Variants in DGKG observed in about 807,000 individuals in gnomAD.
The protein encoded by DGKG is DAG kinase gamma.
In DGKG, 78 loss-of-function variants were observed where a neutral mutation model predicts 105.3. The observed-to-expected ratio is 0.74, with a 90% confidence interval of 0.62 to 0.89. The LOEUF (loss-of-function observed/expected upper bound fraction) is 0.89. Among genes scored for constraint, DGKG ranks in the 40% least tolerant of loss-of-function variants. The pLI is 0.00. For synonymous variants in DGKG, 346 were observed against 367.1 expected (o/e 0.94, Z 0.66); for missense variants, 958 against 1,020.1 (o/e 0.94, Z 0.83).
chr3:186,174,909 G>A (rs146118332), intron 22 of DGKG, among the ~76,000 whole-genome samples: 2 of 152,278 alleles, frequency 1.3e-5, no homozygotes, highest in East Asian at 3.9e-4. Context: ...GCATGTAAGT[G>A]GCCAGAGGGC....
rs368195195 is a variant in DGKG, at chr3:186,160,526, G to T, written c.2277+1077C>A. ...AAGATTGAGGTAAGATTTTTGCAGA[G>T]AAATTTCTGTTTTTGATAACCTTTA... On this transcript the variant is annotated intron_variant, in intron 24 of 24. Transcript: ENST00000265022. The T allele has an allele frequency of 2.0e-5, 20 of 985,332 alleles. No homozygotes were observed. In the East Asian group the frequency reaches 9.1e-4, roughly 45 times the overall value. 61.0% of individuals were successfully genotyped at this position (985,332 alleles called of 1,614,324 possible). A position where few individuals can be genotyped will look rare whatever the true frequency, so the allele number is the denominator to read the frequency against.
chr3:186,302,493 T>TAC (rs1226098066), intron 3 of DGKG, among the ~76,000 whole-genome samples: 1 of 9,482 alleles, frequency 1.1e-4, no homozygotes, highest in Non-Finnish European at 2.1e-4. Flanking sequence ...TATATATATA[T>TAC]ATATATATAT....
Position 186,279,886 on chromosome 3 carries a change from T to C in DGKG, c.757A>G (p.Ile253Val). 1 of 1,614,024 alleles carries C rather than the reference T, an allele frequency of 6.2e-7. No individual in the cohort carries two copies. Among genetic ancestry groups the C allele is most frequent in the Non-Finnish European group, 8.5e-7 (1 of 1,179,960 alleles). Residue 253 changes from isoleucine (I) to valine (V), a missense_variant, in exon 9 of 25, where the codon ATC becomes GTC. Coordinates refer to ENST00000265022, the MANE Select transcript of DGKG (RefSeq NM_001346.3). ...QEWVHGGMTT[I>V]PLLVLLGMDD... ...ATCCCCAGGAGGACCAGCAATGGGA[T>C]GGTGGTCATCCCTCCATGGACCCAT...
rs1356927482 is a variant in DGKG at position 186,353,586 on chromosome 3, TATATACAC to T, written c.-249+8352_-249+8359del. Among the ~76,000 whole-genome samples, 899 of 142,728 alleles carry T rather than the reference TATATACAC, an allele frequency of 6.3e-3. 12 individuals are homozygous for T. Among genetic ancestry groups the T allele is most frequent in the African/African-American group, 0.022 (846 of 38,496 alleles). The allele number at this position is 142,728 out of a possible 152,430, so 93.6% of individuals were successfully genotyped here. ...GTATGTATATATATATATATATATATATATACACACACACACATACACATATATATAGA... is the reference window on the plus strand; with the variant it reads ...GTATGTATATATATATATATATATATACACACACATACACATATATATAGA... On this transcript the variant is annotated intron_variant, in intron 1 of 24. Transcript: ENST00000265022.
At chr3:186,155,006 G>A (rs1715965000) in intron 24 of DGKG, among the ~76,000 whole-genome samples, 1 of 152,082 alleles carries the variant, frequency 6.6e-6, no homozygotes, top group Non-Finnish European at 1.5e-5. Context: ...TCTAACTCTG[G>A]GAGAAGATTC....
chr3:186,233,350 A>G (rs189126333), intron 20 of DGKG, among the ~76,000 whole-genome samples: 30 of 152,340 alleles, frequency 2.0e-4, no homozygotes, highest in Admixed American at 1.6e-3. Context: ...GGAAAAGGCA[A>G]GGAAACAGCT....
chr3:186,269,027 G>C, intron 11 of DGKG, 110 bp from the exon 12 acceptor site: 1 of 725,932 alleles, frequency 1.4e-6, no homozygotes, highest in South Asian at 1.6e-5. Context: ...CAGAGGGACT[G>C]TTTCCTATTT....
At chr3:186,182,832 C>T (rs1413860181) in intron 22 of DGKG, among the ~76,000 whole-genome samples, 1 of 152,112 alleles carries the variant, frequency 6.6e-6, no homozygotes, top group South Asian at 2.1e-4. Flanking sequence ...TTCTGTAGAA[C>T]ACATGTGAGC....
chr3:186,155,354 G>A (rs1464922201), intron 24 of DGKG, among the ~76,000 whole-genome samples: 3 of 151,928 alleles, frequency 2.0e-5, no homozygotes, highest in Non-Finnish European at 2.9e-5. Context: ...CACCATGCTC[G>A]GCTAATTTTT....
intron 20 of DGKG, among the ~76,000 whole-genome samples, chr3:186,233,866 T>A (rs896115632): frequency 1.2e-4 from 19 of 152,220 alleles, no homozygotes; most frequent in Non-Finnish European, 2.6e-4. Flanking sequence ...ACCTCAGTTT[T>A]ACAGGTGAGC....
chr3:186,277,549 C>T (rs914168808), intron 9 of DGKG, among the ~76,000 whole-genome samples: 3 of 152,248 alleles, frequency 2.0e-5, no homozygotes, highest in African/African-American at 7.2e-5. Context: ...CTTCAGCAGA[C>T]TTCTTCGTGG....
intron 21 of DGKG, among the ~76,000 whole-genome samples, chr3:186,202,220 C>T (rs1718502802): frequency 1.3e-5 from 2 of 152,222 alleles, no homozygotes; most frequent in Admixed American, 1.3e-4. Flanking sequence ...GCCTAATGGG[C>T]TTGAGATATA....
intron 3 of DGKG, among the ~76,000 whole-genome samples, chr3:186,305,701 G>C (rs766029503): frequency 2.0e-5 from 3 of 152,182 alleles, no homozygotes; most frequent in Non-Finnish European, 4.4e-5. Flanking sequence ...AGGTCGGGAT[G>C]CTAGCAGTGC....
At chr3:186,179,646 C>T (rs1226448112) in intron 22 of DGKG, among the ~76,000 whole-genome samples, 1 of 152,234 alleles carries the variant, frequency 6.6e-6, no homozygotes, top group Non-Finnish European at 1.5e-5. Flanking sequence ...CGTTGAATGG[C>T]CTGCATTTGG....
At chr3:186,222,966 A>T (rs1483155710) in intron 20 of DGKG, among the ~76,000 whole-genome samples, 1 of 141,144 alleles carries the variant, frequency 7.1e-6, no homozygotes, top group African/African-American at 2.5e-5. Context: ...TCTCAGGAAA[A>T]CAAACAAACA....
intron 21 of DGKG, among the ~76,000 whole-genome samples, chr3:186,192,870 A>T (rs1011161803): frequency 1.3e-5 from 2 of 152,174 alleles, no homozygotes; most frequent in African/African-American, 4.8e-5. Context: ...TTTGTTTTTT[A>T]AAAAAGTACA....
Position 186,322,221 on chromosome 3 carries a change from T to C in DGKG, c.-248-1514A>G, listed in dbSNP as rs1443655202. On this transcript the variant is annotated intron_variant, in intron 1 of 24. Transcript: ENST00000265022. ...CTGGATAAAGCAAATGTAGTACATA[T>C]ACACCACGGAATACTACACAGCCAT... Among the ~76,000 whole-genome samples the C allele has an allele frequency of 2.6e-5, 4 of 152,250 alleles. No individual in the cohort carries two copies. In the East Asian group the frequency reaches 7.7e-4, roughly 29 times the overall value.
chr3:186,302,621 CCTATAT>C lies in DGKG; in HGVS notation c.144+4274_144+4279del, dbSNP rs58362317. Reference sequence around the variant, plus strand: ...ATGTGTATATATGTGTGTGTATATACCTATATCTATATCTATATCTATATATCTATA... The same window carrying C: ...ATGTGTATATATGTGTGTGTATATACCTATATCTATATCTATATATCTATA... On this transcript the variant is annotated intron_variant, in intron 3 of 24. Coordinates refer to ENST00000265022, the MANE Select transcript of DGKG (RefSeq NM_001346.3). Among the ~76,000 whole-genome samples, 147 of 139,530 alleles carry C rather than the reference CCTATAT, an allele frequency of 1.1e-3. 2 individuals are homozygous for C. In the South Asian group the frequency reaches 0.024, roughly 23 times the overall value. The allele number at this position is 139,530 out of a possible 152,430, so 91.5% of individuals were successfully genotyped here.
intron 22 of DGKG, among the ~76,000 whole-genome samples, chr3:186,166,251 CACTAATGGACA>C (rs1386643084): frequency 1.3e-5 from 2 of 152,038 alleles, no homozygotes; most frequent in Admixed American, 1.3e-4. Context: ...TAATGGACAT[CACTAATGGACA>C]TCAGCTGCCA....
Sources: gnomAD v4.1 joint callset for allele counts (sites outside exome capture counted in the v4.1 genomes callset) on GRCh38, gnomAD v4.1.1 for gene constraint, MANE v1.5 for transcripts, NCBI Gene and HGNC (gene_info 2026-07-23, HGNC 2026-07-21) for gene names.